FLRT2: variants seen among roughly 807,000 people sequenced by gnomAD.
The protein encoded by FLRT2 is fibronectin leucine rich transmembrane protein 2.
FLRT2 carries 15 observed loss-of-function variants against 40.0 expected under a neutral mutation model. The ratio of observed to expected loss-of-function variants is 0.38; its 90% CI spans 0.25 to 0.58. The LOEUF (loss-of-function observed/expected upper bound fraction) is 0.58. FLRT2 is among the 20% of genes least tolerant of loss of function. The pLI, the probability that FLRT2 is intolerant of heterozygous loss-of-function variation, is 0.71. For synonymous variants in FLRT2, 380 were observed against 336.8 expected (o/e 1.13, Z -1.41); for missense variants, 726 against 840.0 (o/e 0.86, Z 1.68).
intron 1 of FLRT2, among the ~76,000 whole-genome samples, chr14:85,616,897 T>C (rs1452229888): frequency 6.6e-6 from 1 of 152,252 alleles, no homozygotes; most frequent in Non-Finnish European, 1.5e-5. Context: ...ATGGAAAGTA[T>C]ATTACATTTT....
At chr14:85,603,559 T>C (rs1892474225) in intron 1 of FLRT2, among the ~76,000 whole-genome samples, 1 of 152,162 alleles carries the variant, frequency 6.6e-6, no homozygotes, top group Admixed American at 6.5e-5. Context: ...TTCTGTCACA[T>C]CTTGTTAGGT....
At chr14:85,610,127 C>CACTT (rs1324227894) in intron 1 of FLRT2, among the ~76,000 whole-genome samples, 2 of 152,134 alleles carry the variant, frequency 1.3e-5, no homozygotes, top group African/African-American at 4.8e-5. Flanking sequence ...ATGGGTTCCT[C>CACTT]ACTTTCTCAT....
At chr14:85,560,245 A>G (rs1471039185) in intron 1 of FLRT2, among the ~76,000 whole-genome samples, 1 of 152,162 alleles carries the variant, frequency 6.6e-6, no homozygotes, top group East Asian at 1.9e-4. Context: ...AACTAAGTCT[A>G]GAATCATGAA....
At chr14:85,540,884 T>C (rs1195607490) in intron 1 of FLRT2, among the ~76,000 whole-genome samples, 1 of 152,120 alleles carries the variant, frequency 6.6e-6, no homozygotes, top group Admixed American at 6.6e-5. Context: ...AGAGAGAAAA[T>C]ATTTGCTACT....
At position 85,648,656 on chromosome 14, in the gene FLRT2, T is replaced by C. The variant is rs1416088229; in HGVS notation, c.*25159T>C. 6.6e-6 allele frequency: 1 copy of C among 152,114 alleles called. No individual in the cohort carries two copies. Among genetic ancestry groups the C allele is most frequent in the East Asian group, 1.9e-4 (1 of 5,182 alleles). The allele number at this position is 152,114 out of a possible 1,614,324, so 9.4% of individuals were successfully genotyped here. A position where few individuals can be genotyped will look rare whatever the true frequency, so the allele number is the denominator to read the frequency against. On this transcript the variant is annotated 3_prime_UTR_variant, in exon 2 of 2. Transcript: ENST00000330753. ...TTTCTAAGTGTATAATTGCCCATTT[T>C]CCCTAAATACCTAGGTAGGTTTTAT...
At position 85,652,555 on chromosome 14, in the gene FLRT2, CT is replaced by C. The variant is rs1229654893; in HGVS notation, c.*29061del. 2.0e-5 allele frequency: 3 copies of C among 152,014 alleles called. No individual in the cohort carries two copies. The highest frequency in any genetic ancestry group is 4.4e-5 in the Non-Finnish European group (3 of 67,984). 9.4% of individuals were successfully genotyped at this position (152,014 alleles called of 1,614,324 possible). A position where few individuals can be genotyped will look rare whatever the true frequency, so the allele number is the denominator to read the frequency against. On this transcript the variant is annotated 3_prime_UTR_variant, in exon 2 of 2. Transcript: ENST00000330753. ...CCATCTTTATTTTTAGACTAAAAGC[CT>C]TTGAATAAAATATTATACAACTTTA...
intron 1 of FLRT2, among the ~76,000 whole-genome samples, chr14:85,536,944 A>G (rs1807349556): frequency 6.6e-6 from 1 of 152,308 alleles, no homozygotes; most frequent in South Asian, 2.1e-4. Context: ...GGGACTCACA[A>G]TGCTGCTGAA....
intron 1 of FLRT2, among the ~76,000 whole-genome samples, chr14:85,581,434 A>G (rs1404743333): frequency 6.6e-6 from 1 of 152,170 alleles, no homozygotes; most frequent in Admixed American, 6.6e-5. Flanking sequence ...GGATGCTACC[A>G]TTGAGTCCTA....
intron 1 of FLRT2, among the ~76,000 whole-genome samples, chr14:85,608,277 T>A (rs955050374): frequency 6.6e-6 from 1 of 152,020 alleles, no homozygotes; most frequent in African/African-American, 2.4e-5. Flanking sequence ...TTGCCCAGGC[T>A]GGAGTGCAGT....
chr14:85,577,293 A>C (rs1377142257), intron 1 of FLRT2, among the ~76,000 whole-genome samples: 4 of 152,226 alleles, frequency 2.6e-5, no homozygotes, highest in African/African-American at 9.7e-5. Context: ...ATATATATAA[A>C]AATGGAGGAG....
rs117965112 is a variant in FLRT2, at chr14:85,542,056, G to A, written c.-377+11522G>A. ...GTAGAAGATTAGCATGTAAATTATCGTTATGCTTGCTTAAGGCTTATTCTA... is the reference window on the plus strand; with the variant it reads ...GTAGAAGATTAGCATGTAAATTATCATTATGCTTGCTTAAGGCTTATTCTA... On this transcript the variant is annotated intron_variant, in intron 1 of 1. Coordinates refer to ENST00000330753, the MANE Select transcript of FLRT2 (RefSeq NM_013231.6). Among the ~76,000 whole-genome samples, 1,455 of 152,204 alleles carry A rather than the reference G, an allele frequency of 9.6e-3. 9 individuals are homozygous for A. The highest frequency in any genetic ancestry group is 0.016 in the South Asian group (75 of 4,822).
chr14:85,533,065 T>A (rs910537963), intron 1 of FLRT2, among the ~76,000 whole-genome samples: 2 of 152,122 alleles, frequency 1.3e-5, no homozygotes, highest in East Asian at 1.9e-4. Flanking sequence ...CAAGTCTGAC[T>A]TTGCCTCTTG....
chr14:85,560,119 G>A (rs1354542771), intron 1 of FLRT2, among the ~76,000 whole-genome samples: 2 of 152,132 alleles, frequency 1.3e-5, no homozygotes, highest in African/African-American at 4.8e-5. Context: ...AGGTTTACTT[G>A]TTTATTTTTT....
chr14:85,583,829 T>G (rs1411238183), intron 1 of FLRT2, among the ~76,000 whole-genome samples: 1 of 152,094 alleles, frequency 6.6e-6, no homozygotes, highest in Non-Finnish European at 1.5e-5. Flanking sequence ...ATATGGATGT[T>G]TTAAGAATAG....
chr14:85,606,475 G>A (rs1005372613), intron 1 of FLRT2, among the ~76,000 whole-genome samples: 9 of 151,058 alleles, frequency 6.0e-5, no homozygotes, highest in Admixed American at 1.3e-4. Flanking sequence ...TCTCAAGCAC[G>A]TGGCTTGGTG....
At chr14:85,552,217 C>A (rs1023215006) in intron 1 of FLRT2, among the ~76,000 whole-genome samples, 3 of 152,128 alleles carry the variant, frequency 2.0e-5, no homozygotes, top group African/African-American at 7.2e-5. Flanking sequence ...GGGAGCTTGT[C>A]TTAGTGGTTA....
At chr14:85,598,641 C>A (rs1892243158) in intron 1 of FLRT2, among the ~76,000 whole-genome samples, 1 of 152,150 alleles carries the variant, frequency 6.6e-6, no homozygotes, top group African/African-American at 2.4e-5. Context: ...CTAAGTTGGA[C>A]CTCATAGGAT....
chr14:85,602,496 GCT>G (rs1328366989), intron 1 of FLRT2, among the ~76,000 whole-genome samples: 1 of 152,214 alleles, frequency 6.6e-6, no homozygotes, highest in African/African-American at 2.4e-5. Flanking sequence ...TACGTTATGT[GCT>G]CTCTTTGTCT....
intron 1 of FLRT2, 70 bp from the exon 2 acceptor site, chr14:85,621,069 A>C (rs1158181982): frequency 6.0e-6 from 1 of 166,510 alleles, no homozygotes; most frequent in African/African-American, 2.4e-5. Flanking sequence ...TGAAAGGCTC[A>C]GAGTCATATT....
Sources: gnomAD v4.1 joint callset for allele counts (sites outside exome capture counted in the v4.1 genomes callset) on GRCh38, gnomAD v4.1.1 for gene constraint, MANE v1.5 for transcripts, NCBI Gene and HGNC (gene_info 2026-07-23, HGNC 2026-07-21) for gene names.